DPP10: variants seen among roughly 807,000 people sequenced by gnomAD.
The protein encoded by DPP10 is dipeptidyl peptidase like 10.
A neutral mutation model predicts 120.9 loss-of-function variants in DPP10; 33 were observed. That is an observed-to-expected ratio of 0.27 (90% confidence interval 0.21 to 0.37). The LOEUF (loss-of-function observed/expected upper bound fraction) is 0.37, where lower values mean the gene tolerates loss of function less well. Ranked by LOEUF, DPP10 falls within the 10% of genes least tolerant of loss-of-function variation. The pLI, the probability that DPP10 is intolerant of heterozygous loss-of-function variation, is 1.00. For missense variants in DPP10, 816 were observed against 942.8 expected (o/e 0.87, Z 1.76); for synonymous variants, 337 against 326.1 (o/e 1.03, Z -0.36).
chr2:114,651,765 A>G (rs1316230782), intron 1 of DPP10, among the ~76,000 whole-genome samples: 1 of 152,208 alleles, frequency 6.6e-6, no homozygotes, highest in Non-Finnish European at 1.5e-5. Flanking sequence ...GGAGATTTTA[A>G]TATGCAGCTA....
intron 1 of DPP10, among the ~76,000 whole-genome samples, chr2:114,947,073 T>C (rs982517308): frequency 6.6e-6 from 1 of 151,998 alleles, no homozygotes; most frequent in Non-Finnish European, 1.5e-5. Context: ...TATTGCATGG[T>C]TTTTATCTGT....
chr2:115,528,558 A>G (rs146382926), intron 5 of DPP10, among the ~76,000 whole-genome samples: 1,956 of 152,184 alleles, frequency 0.013, 39 homozygotes, highest in African/African-American at 0.042. Flanking sequence ...AAAAACCTGT[A>G]TGCAAATATT....
intron 2 of DPP10, among the ~76,000 whole-genome samples, chr2:115,314,115 A>T (rs774142262): frequency 2.0e-5 from 3 of 152,216 alleles, no homozygotes; most frequent in African/African-American, 7.2e-5. Context: ...TTTGTGCAGA[A>T]TAGAATTACC....
chr2:114,457,187 A>G (rs73946156), intron 1 of DPP10, among the ~76,000 whole-genome samples: 2,934 of 152,294 alleles, frequency 0.019, 92 homozygotes, highest in African/African-American at 0.068. Context: ...GTTGGTCAAT[A>G]CAAATAAACT....
intron 1 of DPP10, among the ~76,000 whole-genome samples, chr2:115,263,037 A>G (rs1026505352): frequency 2.1e-4 from 32 of 152,140 alleles, no homozygotes; most frequent in African/African-American, 7.0e-4. Context: ...AATCTTAGCA[A>G]TTCTTACCCT....
At chr2:114,533,303 C>T (rs1326073381) in intron 1 of DPP10, among the ~76,000 whole-genome samples, 3 of 152,090 alleles carry the variant, frequency 2.0e-5, no homozygotes, top group South Asian at 2.1e-4. Context: ...GAATGACCTG[C>T]TTCCTATGTC....
intron 1 of DPP10, among the ~76,000 whole-genome samples, chr2:114,895,693 G>C (rs1013635713): frequency 1.3e-5 from 2 of 152,090 alleles, no homozygotes; most frequent in African/African-American, 4.8e-5. Context: ...CTTTGGTTTC[G>C]AACTTATTTT....
intron 1 of DPP10, among the ~76,000 whole-genome samples, chr2:114,874,323 G>T (rs1025458338): frequency 5.9e-5 from 9 of 152,122 alleles, no homozygotes; most frequent in Non-Finnish European, 1.3e-4. Context: ...GCCTTAAAAG[G>T]TATGTTTGAG....
intron 1 of DPP10, among the ~76,000 whole-genome samples, chr2:114,605,269 T>G (rs188068878): frequency 6.6e-6 from 1 of 152,062 alleles, no homozygotes; most frequent in African/African-American, 2.4e-5. Flanking sequence ...CCTTGAACAA[T>G]GCAGGTGTGA....
At chr2:114,730,776 T>C (rs933514089) in intron 1 of DPP10, among the ~76,000 whole-genome samples, 1 of 151,970 alleles carries the variant, frequency 6.6e-6, no homozygotes, top group Non-Finnish European at 1.5e-5. Flanking sequence ...GTATTTTTAA[T>C]AGAGACAGGG....
chr2:114,722,005 A>G (rs1468915633), intron 1 of DPP10, among the ~76,000 whole-genome samples: 1 of 152,224 alleles, frequency 6.6e-6, no homozygotes. Flanking sequence ...CAGCTTATGT[A>G]AAGGACCCAG....
At chr2:114,929,093 G>C (rs1412736594) in intron 1 of DPP10, among the ~76,000 whole-genome samples, 1 of 152,140 alleles carries the variant, frequency 6.6e-6, no homozygotes, top group African/African-American at 2.4e-5. Flanking sequence ...TGCCCCCTGA[G>C]CCACAAAACC....
chr2:115,285,419 A>G (rs763666897), intron 1 of DPP10, among the ~76,000 whole-genome samples: 27 of 152,056 alleles, frequency 1.8e-4, no homozygotes, highest in Non-Finnish European at 3.5e-4. Flanking sequence ...ACTGGGATGG[A>G]TCATTATCTC....
chr2:114,746,988 A>G (rs1678639761), intron 1 of DPP10, among the ~76,000 whole-genome samples: 1 of 152,236 alleles, frequency 6.6e-6, no homozygotes, highest in African/African-American at 2.4e-5. Flanking sequence ...ATACACTGAT[A>G]TATACATATA....
At chr2:114,714,510 T>G (rs146058489) in intron 1 of DPP10, among the ~76,000 whole-genome samples, 3 of 152,160 alleles carry the variant, frequency 2.0e-5, no homozygotes, top group African/African-American at 7.2e-5. Flanking sequence ...TCAGTCACAC[T>G]GATGGCTCTA....
intron 3 of DPP10, among the ~76,000 whole-genome samples, chr2:115,389,655 G>T (rs2106534071): frequency 6.6e-6 from 1 of 152,210 alleles, no homozygotes; most frequent in East Asian, 1.9e-4. Flanking sequence ...TTAGAGTAAT[G>T]CCCATGAATT....
intron 1 of DPP10, among the ~76,000 whole-genome samples, chr2:114,786,738 A>G (rs978208610): frequency 2.0e-5 from 3 of 152,206 alleles, no homozygotes; most frequent in African/African-American, 7.2e-5. Context: ...AATTTAGTTC[A>G]TATCAAAGTG....
chr2:115,571,152 T>C (rs1219925047), intron 5 of DPP10, among the ~76,000 whole-genome samples: 2 of 152,246 alleles, frequency 1.3e-5, no homozygotes, highest in South Asian at 2.1e-4. Context: ...TATGGAGATA[T>C]TAAGTATGAG....
chr2:115,101,486 A>G, intron 1 of DPP10, among the ~76,000 whole-genome samples: 1 of 152,102 alleles, frequency 6.6e-6, no homozygotes, highest in East Asian at 1.9e-4. Context: ...TACCACTGAT[A>G]TATGTAATAA....
Sources: gnomAD v4.1 joint callset for allele counts (sites outside exome capture counted in the v4.1 genomes callset) on GRCh38, gnomAD v4.1.1 for gene constraint, MANE v1.5 for transcripts, NCBI Gene and HGNC (gene_info 2026-07-23, HGNC 2026-07-21) for gene names.